Variants in CNBD2 observed in about 807,000 individuals in gnomAD.
CNBD2 encodes cyclic nucleotide-binding domain-containing protein 2.
CNBD2 carries 64 observed loss-of-function variants against 63.7 expected under a neutral mutation model. The ratio of observed to expected loss-of-function variants is 1.00; its 90% CI spans 0.82 to 1.24. CNBD2 has a LOEUF of 1.24. Among genes scored for constraint, CNBD2 ranks in the 50% most tolerant of loss-of-function variants. The pLI is 0.00. For missense variants in CNBD2, 691 were observed against 713.5 expected (o/e 0.97, Z 0.36); for synonymous variants, 229 against 255.4 (o/e 0.90, Z 0.99).
chr20:35,974,411 G>A, intron 2 of CNBD2: 1 of 154,058 alleles, frequency 6.5e-6, no homozygotes, highest in Non-Finnish European at 1.5e-5. Context: ...GCATGGGGCA[G>A]TTGGAAGCTA....
At chr20:36,010,828 TG>T (rs1227155664) in intron 9 of CNBD2, among the ~76,000 whole-genome samples, 1 of 151,994 alleles carries the variant, frequency 6.6e-6, no homozygotes, top group African/African-American at 2.4e-5. Context: ...AGGGCCAGCC[TG>T]GACTTCCCAC....
At chr20:36,001,286 G>C (rs2056895926) in intron 8 of CNBD2, among the ~76,000 whole-genome samples, 1 of 151,536 alleles carries the variant, frequency 6.6e-6, no homozygotes, top group East Asian at 2.0e-4. Flanking sequence ...GCCGGGCAGA[G>C]GGGCTCCTCA....
rs1222994150 is a variant in CNBD2, at chr20:35,972,685, C to T, written c.108C>T (p.Phe36=). 1 of 1,613,836 alleles carries T rather than the reference C, an allele frequency of 6.2e-7. No individual in the cohort carries two copies. Among genetic ancestry groups the T allele is most frequent in the Non-Finnish European group, 8.5e-7 (1 of 1,179,908 alleles). ...TAATGATCCGAGTGTGTAAAATGTT[C>T]CGCCAAGGCCTCAGGGGATTCCGGG... ...IIIMIRVCKM[F]RQGLRGFREY... is the part of the protein sequence containing the mutation. The change falls in exon 2 of 12, where the codon TTC becomes TTT. Residue 36 remains phenylalanine, a synonymous_variant. Coordinates refer to ENST00000373973, the MANE Select transcript of CNBD2 (RefSeq NM_001365709.1).
intron 11 of CNBD2, among the ~76,000 whole-genome samples, chr20:36,028,537 C>T (rs775524381): frequency 7.2e-5 from 11 of 152,104 alleles, no homozygotes; most frequent in Non-Finnish European, 1.2e-4. Context: ...GAGCACAGGG[C>T]GGCCCATGTG....
chr20:35,983,355 T>A (rs1433433166), intron 4 of CNBD2, among the ~76,000 whole-genome samples: 1 of 152,148 alleles, frequency 6.6e-6, no homozygotes, highest in African/African-American at 2.4e-5. Flanking sequence ...AATTGAGATT[T>A]GGACTTGCAT....
At position 36,008,393 on chromosome 20, in the gene CNBD2, G is replaced by T. The variant is rs2057013087; in HGVS notation, c.1067G>T (p.Trp356Leu). The change falls in exon 9 of 12, where the codon TGG (tryptophan) becomes TTG (leucine). Residue 356 changes from tryptophan to leucine, a missense_variant. By Grantham distance (61) the Trp-to-Leu change is moderately conservative. Transcript: ENST00000373973. ...SLKLPHLKKA[W>L]GLQGTSFSRK... ...AAACTTCCACATCTCAAAAAAGCCT[G>T]GGGGCTACAGGGGACAAGCTTCAGC... The T allele has an allele frequency of 6.2e-7, 1 of 1,613,942 alleles. No homozygotes were observed. Among genetic ancestry groups the T allele is most frequent in the Admixed American group, 1.7e-5 (1 of 59,988 alleles).
At position 35,972,697 on chromosome 20, in the gene CNBD2, CAG is replaced by C. The variant is rs1374277566; in HGVS notation, c.121_122del (p.Arg41GlyfsTer9). On this transcript the variant is annotated frameshift_variant, in exon 2 of 12. Transcript: ENST00000373973. LOFTEE classifies it high-confidence loss of function. ...RVCKMFRQGL[R>X]GFREYQIIET... Reference sequence around the variant, plus strand: ...TGTGTAAAATGTTCCGCCAAGGCCTCAGGGGATTCCGGGAATATCAAATCATT... The same window carrying C: ...TGTGTAAAATGTTCCGCCAAGGCCTCGGGATTCCGGGAATATCAAATCATT... 7.4e-6 allele frequency: 12 copies of C among 1,613,948 alleles called. No homozygotes were observed. The highest frequency in any genetic ancestry group is 5.0e-5 in the Admixed American group (3 of 60,002).
rs757045939 is a variant in CNBD2, at chr20:35,995,160, G to T, written c.970+8G>T. 1 of 1,600,984 alleles carries T rather than the reference G, an allele frequency of 6.2e-7. No homozygotes were observed. The highest frequency in any genetic ancestry group is 1.4e-5 in the African/African-American group (1 of 73,832). Reference sequence around the variant, plus strand: ...TGAAGACCCACCTGAGTGGTAAGCTGCCTTGGCCTGTCTGACAGCAGGGGG... The same window carrying T: ...TGAAGACCCACCTGAGTGGTAAGCTTCCTTGGCCTGTCTGACAGCAGGGGG... On this transcript the variant is annotated splice_region_variant and intron_variant, in intron 8 of 11. Transcript: ENST00000373973.
Position 35,987,381 on chromosome 20 carries a change from G to A in CNBD2, c.717-14G>A. On this transcript the variant is annotated splice_polypyrimidine_tract_variant and intron_variant, in intron 6 of 11. Transcript: ENST00000373973. ...GTGATGGAGTTGATGAATTCTAACAGGCTCTTCCCACAGGAAGATGGAGCT... is the reference window on the plus strand; with the variant it reads ...GTGATGGAGTTGATGAATTCTAACAAGCTCTTCCCACAGGAAGATGGAGCT... 1 of 1,613,870 alleles carries A rather than the reference G, an allele frequency of 6.2e-7. No individual in the cohort carries two copies. The highest frequency in any genetic ancestry group is 1.1e-5 in the South Asian group (1 of 91,074).
intron 10 of CNBD2, among the ~76,000 whole-genome samples, chr20:36,016,692 G>A (rs1393735004): frequency 1.3e-5 from 2 of 151,786 alleles, no homozygotes; most frequent in African/African-American, 2.4e-5. Context: ...GGGAAGCTGA[G>A]GCAGGAGAAT....
chr20:35,967,272 C>CA (rs2056353878), upstream of CNBD2, among the ~76,000 whole-genome samples: 1 of 101,972 alleles, frequency 9.8e-6, no homozygotes, highest in Non-Finnish European at 1.8e-5. Context: ...TTTTTTGAGA[C>CA]AGAGTCTTGC....
At chr20:35,995,924 C>T (rs147685946) in intron 8 of CNBD2, among the ~76,000 whole-genome samples, 1 of 152,174 alleles carries the variant, frequency 6.6e-6, no homozygotes, top group Non-Finnish European at 1.5e-5. Flanking sequence ...AATCTGAGGT[C>T]GAGGGGCTGC....
chr20:35,997,273 A>G (rs73095589), intron 8 of CNBD2, among the ~76,000 whole-genome samples: 1 of 152,170 alleles, frequency 6.6e-6, no homozygotes, highest in Non-Finnish European at 1.5e-5. Context: ...TAATCTGTGT[A>G]TCCTGGGGCC....
At chr20:36,003,677 G>C (rs1197424404) in intron 8 of CNBD2, among the ~76,000 whole-genome samples, 2 of 152,050 alleles carry the variant, frequency 1.3e-5, no homozygotes, top group African/African-American at 2.4e-5. Context: ...GTAACAAATT[G>C]CCCCAAAACT....
intron 5 of CNBD2, 126 bp downstream of exon 5, chr20:35,984,264 G>C: frequency 1.0e-6 from 1 of 954,518 alleles, no homozygotes; most frequent in South Asian, 1.7e-5. Flanking sequence ...TCCCGTGTGG[G>C]CCCCTTACCT....
chr20:35,992,757 C>A (rs944957521), intron 7 of CNBD2, among the ~76,000 whole-genome samples: 2 of 151,604 alleles, frequency 1.3e-5, no homozygotes, highest in East Asian at 1.9e-4. Flanking sequence ...TCCCCCACCC[C>A]CCGACCCTGG....
chr20:35,994,532 C>T (rs2056794505), intron 7 of CNBD2, among the ~76,000 whole-genome samples: 2 of 148,746 alleles, frequency 1.3e-5, no homozygotes, highest in Admixed American at 6.7e-5. Flanking sequence ...TATGCTTCTT[C>T]AGTTACTTGA....
At chr20:35,975,386 C>T (rs1214195959) in intron 2 of CNBD2, among the ~76,000 whole-genome samples, 5 of 113,026 alleles carry the variant, frequency 4.4e-5, no homozygotes, top group Non-Finnish European at 9.4e-5. Flanking sequence ...CTGCAAGCTC[C>T]GCCTCCCGGG....
At chr20:36,025,126 G>A (rs530101037) in intron 11 of CNBD2, among the ~76,000 whole-genome samples, 141 of 152,150 alleles carry the variant, frequency 9.3e-4, no homozygotes, top group Non-Finnish European at 1.7e-3. Flanking sequence ...GTAACAGCAG[G>A]GTAAAATGGG....
Sources: gnomAD v4.1 joint callset for allele counts (sites outside exome capture counted in the v4.1 genomes callset) on GRCh38, gnomAD v4.1.1 for gene constraint, MANE v1.5 for transcripts, NCBI Gene and HGNC (gene_info 2026-07-23, HGNC 2026-07-21) for gene names.